CFTR: variants seen among roughly 807,000 people sequenced by gnomAD.
The protein encoded by CFTR is cystic fibrosis transmembrane conductance regulator.
In CFTR, 181 loss-of-function variants were observed where a neutral mutation model predicts 171.6. That is an observed-to-expected ratio of 1.05 (90% CI 0.93 to 1.19). The LOEUF (loss-of-function observed/expected upper bound fraction) is 1.19. Ranked by LOEUF, CFTR falls within the 50% of genes most tolerant of loss-of-function variation. The probability of loss-of-function intolerance (pLI) is 0.00; values close to 1 mark genes in which losing one functional copy is unlikely to be tolerated. For missense variants in CFTR, 1,968 were observed against 1,734.7 expected (o/e 1.13, Z -2.39); for synonymous variants, 583 against 608.0 (o/e 0.96, Z 0.60).
At chr7:117,664,214 C>T (rs933818293) in intron 24 of CFTR, among the ~76,000 whole-genome samples, 4 of 152,150 alleles carry the variant, frequency 2.6e-5, no homozygotes, top group African/African-American at 9.7e-5. Context: ...TGGGAGGTAG[C>T]ACCAAGGATG....
At chr7:117,637,475 G>A (rs1038840943) in intron 22 of CFTR, among the ~76,000 whole-genome samples, 4 of 152,050 alleles carry the variant, frequency 2.6e-5, no homozygotes, top group Non-Finnish European at 4.4e-5. Context: ...TAGTGTGAGC[G>A]GGAGTTGAGT....
chr7:117,549,845 GGAAGGAAGGAAA>G (rs1799238809), intron 10 of CFTR, among the ~76,000 whole-genome samples: 2 of 152,086 alleles, frequency 1.3e-5, no homozygotes, highest in African/African-American at 4.8e-5. Flanking sequence ...GTAGGAGGAA[GGAAGGAAGGAAA>G]GAAGGAAGGA....
chr7:117,535,806 T>G (rs1465032686), intron 6 of CFTR, among the ~76,000 whole-genome samples: 1 of 152,162 alleles, frequency 6.6e-6, no homozygotes, highest in Non-Finnish European at 1.5e-5. Flanking sequence ...AGTACTGATA[T>G]TACAGGCATG....
intron 7 of CFTR, among the ~76,000 whole-genome samples, chr7:117,537,920 G>C (rs543163929): frequency 3.3e-5 from 5 of 152,024 alleles, no homozygotes; most frequent in Non-Finnish European, 7.4e-5. Context: ...ATATAGCAAG[G>C]GTGATGACAA....
intron 2 of CFTR, among the ~76,000 whole-genome samples, chr7:117,508,215 T>C (rs777381211): frequency 2.0e-5 from 3 of 152,254 alleles, no homozygotes; most frequent in Non-Finnish European, 4.4e-5. Flanking sequence ...TTTTCATCTC[T>C]GTACAGTTTG....
chr7:117,592,293 G>A lies in CFTR; in HGVS notation c.2126G>A (p.Arg709Gln), dbSNP rs397508342. 2 of 1,614,030 alleles carry A rather than the reference G, an allele frequency of 1.2e-6. No individual in the cohort carries two copies. Among genetic ancestry groups the A allele is most frequent in the South Asian group, 1.1e-5 (1 of 91,080 alleles). The part of the protein sequence containing the change: ...NSILNPINSI[R>Q]KFSIVQKTPL... ...ATTCTCAATCCAATCAACTCTATAC[G>A]AAAATTTTCCATTGTGCAAAAGACT... Residue 709 changes from arginine to glutamine, a missense_variant, in exon 14 of 27, where the codon CGA becomes CAA. By Grantham distance (43) the Arg-to-Gln change is conservative. Transcript: ENST00000003084.
At chr7:117,498,992 T>C (rs533740117) in intron 1 of CFTR, among the ~76,000 whole-genome samples, 1 of 152,306 alleles carries the variant, frequency 6.6e-6, no homozygotes, top group South Asian at 2.1e-4. Context: ...AAAAAGGCTA[T>C]TAGTCTTTAA....
chr7:117,548,298 A>G (rs947591218), intron 9 of CFTR, among the ~76,000 whole-genome samples: 24 of 151,606 alleles, frequency 1.6e-4, no homozygotes, highest in Non-Finnish European at 8.8e-5. Flanking sequence ...AAGATTAAAT[A>G]ATAGTGTTTA....
chr7:117,659,879 A>T (rs936472691), intron 24 of CFTR, among the ~76,000 whole-genome samples: 2 of 152,272 alleles, frequency 1.3e-5, no homozygotes, highest in Middle Eastern at 3.4e-3. Context: ...TATAACTGCC[A>T]CTTATGGATT....
intron 17 of CFTR, 83 bp from the exon 18 acceptor site, chr7:117,606,591 G>A: frequency 1.2e-6 from 1 of 805,676 alleles, no homozygotes; most frequent in Non-Finnish European, 2.2e-6. Flanking sequence ...CGTCTACTGT[G>A]ATCCAAACTT....
In CFTR at chr7:117,506,371, C is replaced by T. The variant is rs34517638; in HGVS notation, c.164+2008C>T. Reference sequence around the variant, plus strand: ...AAGTGATTCTCCTGCCTCAGCCTCTCGAGTAGCTGGGTTTACAGGCACTCG... The same window carrying T: ...AAGTGATTCTCCTGCCTCAGCCTCTTGAGTAGCTGGGTTTACAGGCACTCG... On this transcript the variant is annotated intron_variant, in intron 2 of 26. Transcript: ENST00000003084. 4.0e-3 allele frequency among the ~76,000 whole-genome samples: 612 copies of T among 152,142 alleles called. 7 individuals carry two copies. The highest frequency in any genetic ancestry group is 0.014 in the African/African-American group (588 of 41,506).
intron 21 of CFTR, among the ~76,000 whole-genome samples, chr7:117,622,863 A>C (rs1244180454): frequency 6.6e-6 from 1 of 152,122 alleles, no homozygotes; most frequent in East Asian, 1.9e-4. Context: ...TCTTGGCTTA[A>C]ATGCATCCCT....
At chr7:117,490,195 T>A (rs967565138) in intron 1 of CFTR, among the ~76,000 whole-genome samples, 8 of 152,068 alleles carry the variant, frequency 5.3e-5, no homozygotes, top group Middle Eastern at 3.4e-3. Context: ...GCTACTCTCG[T>A]CAGTACAATG....
chr7:117,604,210 T>C lies in CFTR; in HGVS notation c.2908+428T>C, dbSNP rs534475413. ...CTTTTGATGGGGTAGAATAATCTAATTTCATGTAACTGCTCAAAGTTATAT... is the reference window on the plus strand; with the variant it reads ...CTTTTGATGGGGTAGAATAATCTAACTTCATGTAACTGCTCAAAGTTATAT... On this transcript the variant is annotated intron_variant, in intron 17 of 26. Coordinates refer to ENST00000003084, the MANE Select transcript of CFTR (RefSeq NM_000492.4). Among the ~76,000 whole-genome samples, 3 of 152,342 alleles carry C rather than the reference T, an allele frequency of 2.0e-5. No homozygotes were observed. The South Asian group carries it at 6.2e-4, about 32-fold the overall frequency.
chr7:117,598,094 C>A (rs952338217), intron 15 of CFTR, among the ~76,000 whole-genome samples: 3 of 152,184 alleles, frequency 2.0e-5, no homozygotes, highest in African/African-American at 7.2e-5. Flanking sequence ...TCAGGTTTCC[C>A]AGATCTTTTT....
rs578237673 is a variant in CFTR, at chr7:117,666,926, G to T, written c.4261G>T (p.Val1421Leu). The change falls in exon 27 of 27, where the codon GTG (valine) becomes TTG (leucine). Residue 1421 changes from valine to leucine, a missense_variant. Coordinates refer to ENST00000003084, the MANE Select transcript of CFTR (RefSeq NM_000492.4). ...TCCCTAGGTCATAGAAGAGAACAAA[G>T]TGCGGCAGTACGATTCCATCCAGAA... ...QQFLVIEENK[V>L]RQYDSIQKLL... 7 of 1,614,042 alleles carry T rather than the reference G, an allele frequency of 4.3e-6. No individual in the cohort carries two copies. The African/African-American group carries it at 5.3e-5, about 12-fold the overall frequency.
chr7:117,585,119 T>G (rs1286189594), intron 11 of CFTR, among the ~76,000 whole-genome samples: 1 of 152,064 alleles, frequency 6.6e-6, no homozygotes, highest in African/African-American at 2.4e-5. Context: ...ATTATCTTTT[T>G]GACCTTTTAA....
intron 24 of CFTR, among the ~76,000 whole-genome samples, chr7:117,656,116 C>T (rs749996056): frequency 4.6e-5 from 7 of 152,054 alleles, no homozygotes; most frequent in Non-Finnish European, 8.8e-5. Flanking sequence ...CAATTTGCGT[C>T]AATGAAACAT....
rs1236116822 is a variant in CFTR, at chr7:117,548,830, CT to C, written c.1392+11del. On this transcript the variant is annotated splice_region_variant and intron_variant, in intron 10 of 26. Coordinates refer to ENST00000003084, the MANE Select transcript of CFTR (RefSeq NM_000492.4). ...ATCCACTGGAGCAGGCAAGGTAGTTCTTTTGTTCTTCACTATTAAGAACTTA... is the reference window on the plus strand; with the variant it reads ...ATCCACTGGAGCAGGCAAGGTAGTTCTTTGTTCTTCACTATTAAGAACTTA... The C allele has an allele frequency of 1.2e-6, 2 of 1,605,110 alleles. No homozygotes were observed. Among genetic ancestry groups the C allele is most frequent in the Non-Finnish European group, 1.7e-6 (2 of 1,175,044 alleles).
Sources: gnomAD v4.1 joint callset for allele counts (sites outside exome capture counted in the v4.1 genomes callset) on GRCh38, gnomAD v4.1.1 for gene constraint, MANE v1.5 for transcripts, NCBI Gene and HGNC (gene_info 2026-07-23, HGNC 2026-07-21) for gene names.